VAMP3: variants seen among roughly 807,000 people sequenced by gnomAD.
The protein encoded by VAMP3 is vesicle-associated membrane protein 3.
Under a neutral mutation model 18.1 loss-of-function variants are expected in VAMP3, and 11 were observed. The ratio of observed to expected loss-of-function variants is 0.61; its 90% CI spans 0.38 to 1.00. The LOEUF is 1.00. VAMP3 is among the 50% of genes least tolerant of loss of function. VAMP3 has a pLI of 0.01. For synonymous variants in VAMP3, 49 were observed against 43.1 expected, an observed-to-expected ratio of 1.14 and a Z score of -0.53; for missense variants, 122 against 127.3, an observed-to-expected ratio of 0.96 and a Z score of 0.20.
chr1:7,778,148 A>T lies in VAMP3; in HGVS notation c.262A>T (p.Ile88Phe), dbSNP rs1381020783. The T allele has an allele frequency of 1.2e-6, 2 of 1,614,232 alleles. No homozygotes were observed. The highest frequency in any genetic ancestry group is 4.5e-5 in the East Asian group (2 of 44,894). ...MWAIGITVLV[I>F]FIIIIIVWVV... ...GGCAATCGGGATTACTGTTCTGGTT[A>T]TCTTCATCATCATCATCATCGGTGA... is the stretch of plus-strand genomic sequence containing the variant. The change falls in exon 4 of 5, where the codon ATC becomes TTC. Residue 88 changes from isoleucine (I) to phenylalanine (F), a missense_variant. By Grantham distance (21) the Ile-to-Phe change is conservative (BLOSUM62 0). Transcript: ENST00000054666.
chr1:7,773,891 T>G (rs11590868), intron 2 of VAMP3, among the ~76,000 whole-genome samples: 22,450 of 152,212 alleles, frequency 0.15, 2,052 homozygotes, highest in Non-Finnish European at 0.19. Flanking sequence ...CTGATCAGAT[T>G]TTTTTATCAA....
In VAMP3 at chr1:7,778,169, G is replaced by C. The variant is rs369968090; in HGVS notation, c.283G>C (p.Val95Leu). 19 of 1,613,788 alleles carry C rather than the reference G, an allele frequency of 1.2e-5. No homozygotes were observed. Among genetic ancestry groups the C allele is most frequent in the East Asian group, 6.7e-5 (3 of 44,898 alleles). ...VLVIFIIIII[V>L]WVVSS ...GGTTATCTTCATCATCATCATCATC[G>C]GTGAGTTACCCTTTTCTAAACTGAT... Residue 95 changes from valine (V) to leucine (L), a missense_variant and splice_region_variant, in exon 4 of 5, where the codon GTG becomes CTG. Physicochemically the swap from Val to Leu is conservative, Grantham distance 32. Transcript: ENST00000054666.
In VAMP3 at chr1:7,777,326, T is replaced by C. The variant is rs375147991; in HGVS notation, c.231+8T>C. The C allele has an allele frequency of 2.7e-5, 43 of 1,608,860 alleles. No individual in the cohort carries two copies. The highest frequency in any genetic ancestry group is 3.6e-5 in the Non-Finnish European group (42 of 1,177,012). ...TGGTGGAAGAATTGCAAGGTAATTA[T>C]CTTTTAACTGACCTTTACATTTAAC... is the stretch of plus-strand genomic sequence containing the variant. On this transcript the variant is annotated splice_region_variant and intron_variant, in intron 3 of 4. Transcript: ENST00000054666.
intron 4 of VAMP3, among the ~76,000 whole-genome samples, chr1:7,778,551 G>T (rs890335520): frequency 3.3e-5 from 5 of 151,946 alleles, no homozygotes; most frequent in Non-Finnish European, 7.4e-5. Context: ...AAAAAGAAAG[G>T]TTCATTTATT....
At chr1:7,777,795 T>A (rs1212434887) in intron 3 of VAMP3, among the ~76,000 whole-genome samples, 1 of 152,188 alleles carries the variant, frequency 6.6e-6, no homozygotes, top group Admixed American at 6.5e-5. Flanking sequence ...GATCCAGATG[T>A]ATCCTGTCCT....
chr1:7,773,365 C>T lies in VAMP3; in HGVS notation c.3-77C>T, dbSNP rs774311028. On this transcript the variant is annotated intron_variant, in intron 1 of 4. Transcript: ENST00000054666. ...AAGAGATTGTTAACAGTGAGAGTCC[C>T]GGAGTAACATCTTTATACTTAAGAA... 8.0e-5 allele frequency: 95 copies of T among 1,187,136 alleles called. 1 individual carries two copies. Among genetic ancestry groups the T allele is most frequent in the Non-Finnish European group, 9.9e-5 (81 of 814,936 alleles). 73.5% of individuals were successfully genotyped at this position (1,187,136 alleles called of 1,614,324 possible). A position where few individuals can be genotyped will look rare whatever the true frequency, so the allele number is the denominator to read the frequency against.
In VAMP3 at chr1:7,780,691, C is replaced by T. The variant is rs112537943; in HGVS notation, c.*1046C>T. On this transcript the variant is annotated 3_prime_UTR_variant, in exon 5 of 5. Coordinates refer to ENST00000054666, the MANE Select transcript of VAMP3 (RefSeq NM_004781.4). ...CTGTGAACTTGATCATTATCTGGCCCAAATATGAAGATAAACTATAACTTT... is the reference window on the plus strand; with the variant it reads ...CTGTGAACTTGATCATTATCTGGCCTAAATATGAAGATAAACTATAACTTT... The T allele has an allele frequency of 1.3e-5, 2 of 152,348 alleles. No individual in the cohort carries two copies. The highest frequency in any genetic ancestry group is 2.9e-5 in the Non-Finnish European group (2 of 68,024). 9.4% of individuals were successfully genotyped at this position (152,348 alleles called of 1,614,324 possible).
chr1:7,779,589 G>A (rs2097056049), intron 4 of VAMP3, 37 bp from the exon 5 acceptor site: 2 of 1,613,986 alleles, frequency 1.2e-6, no homozygotes, highest in African/African-American at 1.3e-5. Flanking sequence ...CTAACCTGCT[G>A]TTTCCCCTGC....
At chr1:7,778,074 AT>A (rs760936049) in intron 3 of VAMP3, 43 bp from the exon 4 acceptor site, 3 of 1,601,752 alleles carry the variant, frequency 1.9e-6, no homozygotes, top group Non-Finnish European at 2.6e-6. Context: ...CAAGCACATT[AT>A]GTCTGCATTT....
At position 7,778,101 on chromosome 1, in the gene VAMP3, C is replaced by T; in HGVS notation, c.232-17C>T. On this transcript the variant is annotated splice_polypyrimidine_tract_variant and intron_variant, in intron 3 of 4. Transcript: ENST00000054666. Reference sequence around the variant, plus strand: ...GTCTGCATTTGAAATGTGATATGGACATATGTTTTGTTACAGATGTGGGCA... The same window carrying T: ...GTCTGCATTTGAAATGTGATATGGATATATGTTTTGTTACAGATGTGGGCA... 6.2e-7 allele frequency: 1 copy of T among 1,613,738 alleles called. No individual in the cohort carries two copies. Among genetic ancestry groups the T allele is most frequent in the African/African-American group, 1.3e-5 (1 of 75,012 alleles).
At chr1:7,771,496 G>A in intron 1 of VAMP3, 111 bp downstream of exon 1, 3 of 1,311,580 alleles carry the variant, frequency 2.3e-6, no homozygotes, top group Non-Finnish European at 2.9e-6. Flanking sequence ...GCAGGCCGGG[G>A]CTGCGCGGGG....
At chr1:7,773,690 T>C (rs756756221) in intron 2 of VAMP3, among the ~76,000 whole-genome samples, 179 bp downstream of exon 2, 18 of 152,228 alleles carry the variant, frequency 1.2e-4, no homozygotes, top group Admixed American at 3.9e-4. Flanking sequence ...AGTCAGACTT[T>C]CTAGGTTTCA....
intron 1 of VAMP3, 101 bp from the exon 2 acceptor site, chr1:7,773,341 A>C: frequency 4.4e-6 from 4 of 911,302 alleles, no homozygotes; most frequent in Non-Finnish European, 6.8e-6. Context: ...TTCTAATGTA[A>C]GAGATTGTTA....
chr1:7,773,609 A>C (rs1577563651), intron 2 of VAMP3, 98 bp downstream of exon 2: 1 of 1,140,148 alleles, frequency 8.8e-7, no homozygotes, highest in African/African-American at 1.6e-5. Flanking sequence ...AATGTAAAGC[A>C]AATTCTGACT....
At chr1:7,771,515 G>C in intron 1 of VAMP3, 130 bp downstream of exon 1, 1 of 1,198,446 alleles carries the variant, frequency 8.3e-7, no homozygotes, top group Non-Finnish European at 1.1e-6. Context: ...GGATCCCGAG[G>C]CCTGGGGGTG....
In VAMP3 at chr1:7,772,196, C is replaced by T. The variant is rs551893479; in HGVS notation, c.2+811C>T. Reference sequence around the variant, plus strand: ...CATTTGTAAAATAGGAGTAATATTCCCCTCAGAGAGTTATGAGGGTTAAAG... The same window carrying T: ...CATTTGTAAAATAGGAGTAATATTCTCCTCAGAGAGTTATGAGGGTTAAAG... On this transcript the variant is annotated intron_variant, in intron 1 of 4. Coordinates refer to ENST00000054666, the MANE Select transcript of VAMP3 (RefSeq NM_004781.4). 5.9e-5 allele frequency among the ~76,000 whole-genome samples: 9 copies of T among 152,298 alleles called. No individual in the cohort carries two copies. In the South Asian group the frequency reaches 1.7e-3, roughly 28 times the overall value.
At position 7,775,817 on chromosome 1, in the gene VAMP3, AC is replaced by A. The variant is rs747690372; in HGVS notation, c.73-1342del. Among the ~76,000 whole-genome samples the A allele has an allele frequency of 3.0e-4, 45 of 152,324 alleles. No homozygotes were observed. In the Middle Eastern group the frequency reaches 0.01, roughly 35 times the overall value. On this transcript the variant is annotated intron_variant, in intron 2 of 4. Transcript: ENST00000054666. Reference sequence around the variant, plus strand: ...TAAGAGTTTTATGGCTTTAGCTCTTACACTTAGATTATTGATCCATTTTGAG... The same window carrying A: ...TAAGAGTTTTATGGCTTTAGCTCTTAACTTAGATTATTGATCCATTTTGAG...
intron 3 of VAMP3, 52 bp downstream of exon 3, chr1:7,777,370 G>A: frequency 1.3e-6 from 2 of 1,564,086 alleles, no homozygotes; most frequent in Non-Finnish European, 1.7e-6. Flanking sequence ...TCCATTCTCA[G>A]AGAATTAACA....
At chr1:7,778,306 T>A in intron 4 of VAMP3, 137 bp downstream of exon 4, 1 of 1,025,052 alleles carries the variant, frequency 9.8e-7, no homozygotes, top group Non-Finnish European at 1.5e-6. Context: ...CTCATGCCTG[T>A]AATCCCAAAG....
Sources: allele counts gnomAD v4.1 joint callset (sites outside exome capture counted in the v4.1 genomes callset), GRCh38; gene constraint gnomAD v4.1.1; transcripts MANE v1.5; gene names NCBI Gene and HGNC (gene_info 2026-07-23, HGNC 2026-07-21).